The following COQ8A variants were observed in gnomAD, a reference collection of about 807,000 sequenced individuals.
The protein encoded by COQ8A is coenzyme Q8A, also known as atypical kinase COQ8A, mitochondrial.
Under a neutral mutation model 65.0 loss-of-function variants are expected in COQ8A, and 51 were observed. The observed-to-expected ratio is 0.78, with a 90% CI of 0.63 to 0.99. The LOEUF (loss-of-function observed/expected upper bound fraction) is 0.99. Ranked by LOEUF, COQ8A falls within the 50% of genes least tolerant of loss-of-function variation. The pLI, the probability that COQ8A is intolerant of heterozygous loss-of-function variation, is 0.00. For synonymous variants in COQ8A, 371 were observed against 353.2 expected, an observed-to-expected ratio of 1.05 and a Z score of -0.57; for missense variants, 940 against 875.0, an observed-to-expected ratio of 1.07 and a Z score of -0.94.
chr1:226,975,481 CTAA>C (rs1438373556), intron 4 of COQ8A, among the ~76,000 whole-genome samples: 5 of 152,220 alleles, frequency 3.3e-5, no homozygotes, highest in African/African-American at 4.8e-5. Flanking sequence ...CAAAATATCT[CTAA>C]TAATATTTAT....
chr1:226,966,192 T>C (rs1444533626), intron 4 of COQ8A, among the ~76,000 whole-genome samples: 1 of 152,216 alleles, frequency 6.6e-6, no homozygotes, highest in Non-Finnish European at 1.5e-5. Flanking sequence ...GGGAGCCCAT[T>C]TGCTGGGTCC....
intron 2 of COQ8A, among the ~76,000 whole-genome samples, chr1:226,963,678 C>T (rs1275843757): frequency 1.3e-5 from 2 of 152,170 alleles, no homozygotes; most frequent in Non-Finnish European, 2.9e-5. Context: ...AATCTCTGCT[C>T]ACTGCAACCT....
At position 226,987,489 on chromosome 1, in the gene COQ8A, G is replaced by GTAAT. The variant is rs1010562533; in HGVS notation, c.*755_*758dup. On this transcript the variant is annotated 3_prime_UTR_variant, in exon 15 of 15. Coordinates refer to ENST00000366777, the MANE Select transcript of COQ8A (RefSeq NM_020247.5). ...CGCTGTGAATTTTTGTACAAGTCTT[G>GTAAT]TAATTATCGAATCAACAACTTGTTT... 3 of 152,292 alleles carry GTAAT rather than the reference G, an allele frequency of 2.0e-5. No individual in the cohort carries two copies. The highest frequency in any genetic ancestry group is 7.2e-5 in the African/African-American group (3 of 41,460). 9.4% of individuals were successfully genotyped at this position (152,292 alleles called of 1,614,324 possible).
intron 4 of COQ8A, among the ~76,000 whole-genome samples, chr1:226,973,654 C>T (rs1659028072): frequency 6.6e-6 from 1 of 151,530 alleles, no homozygotes; most frequent in Non-Finnish European, 1.5e-5. Context: ...AGCCCCCTCC[C>T]CAGGCCCCCT....
intron 1 of COQ8A, among the ~76,000 whole-genome samples, chr1:226,950,399 T>A (rs573792679): frequency 2.6e-5 from 4 of 152,332 alleles, no homozygotes; most frequent in South Asian, 4.1e-4. Flanking sequence ...AAAAACACAC[T>A]GTTTTGCTCT....
intron 4 of COQ8A, among the ~76,000 whole-genome samples, chr1:226,967,292 T>C (rs983549221): frequency 5.9e-5 from 9 of 152,224 alleles, no homozygotes; most frequent in Non-Finnish European, 1.3e-4. Flanking sequence ...CCCCATGATA[T>C]TGAGGGCAGG....
At chr1:226,984,448 G>C in intron 11 of COQ8A, 100 bp from the exon 12 acceptor site, 2 of 1,312,562 alleles carry the variant, frequency 1.5e-6, no homozygotes, top group East Asian at 2.3e-5. Flanking sequence ...CCCTAGGGTA[G>C]GGTGGGTAAA....
intron 11 of COQ8A, 51 bp downstream of exon 11, chr1:226,984,286 C>G: frequency 6.2e-7 from 1 of 1,608,712 alleles, no homozygotes; most frequent in Middle Eastern, 1.8e-4. Flanking sequence ...TGCTGTGTGG[C>G]TGTTTGGTGA....
chr1:226,983,181 G>A (rs984103207), intron 8 of COQ8A, 147 bp downstream of exon 8: 61 of 1,219,022 alleles, frequency 5.0e-5, no homozygotes, highest in Non-Finnish European at 6.8e-5. Flanking sequence ...TGGCCCCAGT[G>A]CCTGGACGGC....
chr1:226,961,293 C>T, intron 1 of COQ8A, 84 bp from the exon 2 acceptor site: 1 of 1,462,118 alleles, frequency 6.8e-7, no homozygotes. Context: ...GGACCTTCTG[C>T]TCAGAGTTTG....
At chr1:226,976,126 G>GCGGGGC (rs1558198524) in intron 4 of COQ8A, among the ~76,000 whole-genome samples, 20 of 142,816 alleles carry the variant, frequency 1.4e-4, no homozygotes, top group African/African-American at 4.9e-4. Flanking sequence ...TTGCCTGGCT[G>GCGGGGC]TGGGGCTGCG....
chr1:226,959,216 A>T (rs1157957608), intron 1 of COQ8A, among the ~76,000 whole-genome samples: 1 of 152,086 alleles, frequency 6.6e-6, no homozygotes, highest in Non-Finnish European at 1.5e-5. Context: ...CCTCCTTTCT[A>T]CTTCTGTGAG....
chr1:226,952,526 C>G (rs1047525512), intron 1 of COQ8A, among the ~76,000 whole-genome samples: 2 of 152,070 alleles, frequency 1.3e-5, no homozygotes, highest in Non-Finnish European at 2.9e-5. Context: ...AGCGATCCTC[C>G]CACCTCAGCC....
intron 3 of COQ8A, 72 bp from the exon 4 acceptor site, chr1:226,965,599 C>A: frequency 6.4e-7 from 1 of 1,554,980 alleles, no homozygotes; most frequent in Non-Finnish European, 8.9e-7. Flanking sequence ...GATGTGGGGG[C>A]AACAGGAGCC....
chr1:226,965,780 C>T, intron 4 of COQ8A, 43 bp downstream of exon 4: 1 of 1,592,980 alleles, frequency 6.3e-7, no homozygotes, highest in Non-Finnish European at 8.6e-7. Context: ...CCTGCCCTGC[C>T]TGGGCACCAC....
intron 1 of COQ8A, among the ~76,000 whole-genome samples, chr1:226,941,916 C>A (rs1264108544): frequency 1.3e-5 from 2 of 152,096 alleles, no homozygotes; most frequent in Admixed American, 1.3e-4. Context: ...AGAATGGGCA[C>A]CTCCCTCAGA....
At chr1:226,983,090 G>A in intron 8 of COQ8A, 56 bp downstream of exon 8, 1 of 1,541,958 alleles carries the variant, frequency 6.5e-7, no homozygotes, top group Non-Finnish European at 8.7e-7. Context: ...GGGCAGAGCT[G>A]GGGCCTGGCT....
chr1:226,970,782 T>A (rs77945570), intron 4 of COQ8A, among the ~76,000 whole-genome samples: 5,593 of 152,294 alleles, frequency 0.037, 365 homozygotes, highest in African/African-American at 0.13. Context: ...ACAGCCCATA[T>A]GAATTTAGAT....
chr1:226,945,795 G>T (rs1283708788), intron 1 of COQ8A, among the ~76,000 whole-genome samples: 1 of 152,244 alleles, frequency 6.6e-6, no homozygotes, highest in Non-Finnish European at 1.5e-5. Flanking sequence ...AGGGACGGGG[G>T]TGACGCAGAG....
Sources: gnomAD v4.1 joint callset for allele counts (sites outside exome capture counted in the v4.1 genomes callset) on GRCh38, gnomAD v4.1.1 for gene constraint, MANE v1.5 for transcripts, NCBI Gene and HGNC (gene_info 2026-07-23, HGNC 2026-07-21) for gene names.